Variants in TRPA1 observed in about 807,000 individuals in gnomAD.
TRPA1 encodes ankyrin-like with transmembrane domains 1.
Under a neutral mutation model 131.3 loss-of-function variants are expected in TRPA1, and 129 were observed. The ratio of observed to expected loss-of-function variants is 0.98; its 90% CI spans 0.85 to 1.14. The LOEUF (loss-of-function observed/expected upper bound fraction) is 1.14, where lower values mean the gene tolerates loss of function less well. TRPA1 is among the 50% of genes most tolerant of loss of function. The pLI, the probability that TRPA1 is intolerant of heterozygous loss-of-function variation, is 0.00. For synonymous variants in TRPA1, 441 were observed against 451.7 expected (o/e 0.98, Z 0.30); for missense variants, 1,304 against 1,354.2 (o/e 0.96, Z 0.58).
upstream of TRPA1, among the ~76,000 whole-genome samples, chr8:72,079,675 G>A (rs1806253461): frequency 6.6e-6 from 1 of 151,956 alleles, no homozygotes; most frequent in African/African-American, 2.4e-5. Context: ...TGACTAGATG[G>A]AAGGATGCCT....
At chr8:72,031,474 A>G (rs1350766049) in intron 23 of TRPA1, among the ~76,000 whole-genome samples, 1 of 152,024 alleles carries the variant, frequency 6.6e-6, no homozygotes, top group Non-Finnish European at 1.5e-5. Context: ...GCTTCTGGGT[A>G]GGCTGAGGTG....
chr8:72,032,448 A>G (rs1465036891), intron 23 of TRPA1, among the ~76,000 whole-genome samples: 1 of 152,198 alleles, frequency 6.6e-6, no homozygotes, highest in Non-Finnish European at 1.5e-5. Flanking sequence ...AGTGAAATAG[A>G]GACTATCTGC....
chr8:72,040,032 A>G (rs1021087191), intron 17 of TRPA1, among the ~76,000 whole-genome samples: 1 of 152,148 alleles, frequency 6.6e-6, no homozygotes, highest in Non-Finnish European at 1.5e-5. Context: ...ATTTCTGACT[A>G]CTTAACCTAG....
At position 72,046,540 on chromosome 8, in the gene TRPA1, A is replaced by G; in HGVS notation, c.2034T>C (p.Val678=). 6.3e-7 allele frequency: 1 copy of G among 1,597,188 alleles called. No homozygotes were observed. The stretch of plus-strand genomic sequence containing the variant: ...TGAGGGCTGTAAGCGGTTCATATAT[A>G]ACATCCTGTGTAGGTGTTTTTTTGG... The part of the protein sequence containing the change: ...EFTKKTPTQD[V]IYEPLTALNA... The change falls in exon 17 of 27, where the codon GTT becomes GTC. Residue 678 remains valine, a synonymous_variant. Transcript: ENST00000262209.
the TRPA1 span, among the ~76,000 whole-genome samples, chr8:72,083,966 C>G: frequency 2.0e-5 from 3 of 151,782 alleles, no homozygotes; most frequent in African/African-American, 7.3e-5. Flanking sequence ...TTCAGTGAGT[C>G]GAAAGCTGGG....
chr8:72,069,737 T>TAA (rs35083792), intron 2 of TRPA1, among the ~76,000 whole-genome samples: 1 of 142,750 alleles, frequency 7.0e-6, no homozygotes, highest in Non-Finnish European at 1.5e-5. Context: ...TCAAACTTGG[T>TAA]AAAAAAAAAA....
intron 15 of TRPA1, among the ~76,000 whole-genome samples, chr8:72,047,786 C>T (rs1486515438): frequency 1.3e-5 from 2 of 152,044 alleles, no homozygotes; most frequent in Non-Finnish European, 2.9e-5. Flanking sequence ...CTTATGATGC[C>T]TCATTATATA....
intron 4 of TRPA1, 120 bp from the exon 5 acceptor site, chr8:72,063,691 A>C: frequency 1.4e-6 from 1 of 694,900 alleles, no homozygotes; most frequent in Non-Finnish European, 2.6e-6. Context: ...AAAAGTACAT[A>C]GAGAGCTTCA....
At chr8:72,054,830 T>A (rs536906793) in intron 12 of TRPA1, 42 of 152,460 alleles carry the variant, frequency 2.8e-4, no homozygotes, top group Non-Finnish European at 5.6e-4. Flanking sequence ...TGTAAAACAT[T>A]TCCAGGTTTT....
At chr8:72,081,962 C>T in the TRPA1 span, among the ~76,000 whole-genome samples, 2 of 151,832 alleles carry the variant, frequency 1.3e-5, no homozygotes, top group Admixed American at 6.6e-5. Flanking sequence ...AATATTTACT[C>T]ATTATATCAT....
chr8:72,083,710 TC>T, the TRPA1 span, among the ~76,000 whole-genome samples: 5 of 152,046 alleles, frequency 3.3e-5, no homozygotes, highest in African/African-American at 1.2e-4. Context: ...ACCACTGCAC[TC>T]CAGCAGGGGT....
intron 8 of TRPA1, among the ~76,000 whole-genome samples, 166 bp downstream of exon 8, chr8:72,059,224 T>C (rs12541196): frequency 0.38 from 57,183 of 152,176 alleles, 11,260 homozygotes; most frequent in East Asian, 0.55. Context: ...CGTATTCATA[T>C]GCAATATACT....
rs1805649627 is a variant in TRPA1 at position 72,055,749 on chromosome 8, C to G, written c.1301G>C (p.Gly434Ala). ...TTTGGAATGAATGGACACATTAAAG[C>G]CAAGTAGGTTATTTACAGAACCAGG... ...GGPGSVNNLL[G>A]FNVSIHSKSK... The change falls in exon 11 of 27, where the codon GGC becomes GCC. Residue 434 changes from glycine (G) to alanine (A), a missense_variant. Physicochemically the swap from Gly to Ala is moderately conservative, Grantham distance 60. Coordinates refer to ENST00000262209, the MANE Select transcript of TRPA1 (RefSeq NM_007332.3). The G allele has an allele frequency of 6.2e-7, 1 of 1,613,062 alleles. No individual in the cohort carries two copies. Among genetic ancestry groups the G allele is most frequent in the Non-Finnish European group, 8.5e-7 (1 of 1,179,372 alleles).
At chr8:72,041,733 A>T (rs1042145994) in intron 17 of TRPA1, among the ~76,000 whole-genome samples, 1 of 151,898 alleles carries the variant, frequency 6.6e-6, no homozygotes, top group African/African-American at 2.4e-5. Flanking sequence ...GCAAGTTTAT[A>T]ATGGTAAATA....
chr8:72,024,571 T>G (rs34130637), intron 25 of TRPA1, among the ~76,000 whole-genome samples: 73,469 of 151,852 alleles, frequency 0.48, 18,205 homozygotes, highest in East Asian at 0.77. Flanking sequence ...GCTAATGAAT[T>G]GTGCTGACAT....
chr8:72,084,279 GTTTCCT>G, the TRPA1 span, among the ~76,000 whole-genome samples: 1 of 151,760 alleles, frequency 6.6e-6, no homozygotes, highest in Admixed American at 6.6e-5. Context: ...TCAATTTTTA[GTTTCCT>G]TGAAAATAAT....
At position 72,071,811 on chromosome 8, in the gene TRPA1, T is replaced by C. The variant is rs896738108; in HGVS notation, c.168A>G (p.Leu56=). ...GLQNFNKQKK[L]KRCDDMDTFF... ...AGGTGTCCATATCGTCACATCTTTT[T>C]AATTTCTTTTGCTTATTAAAGTTTT... The change falls in exon 2 of 27, where the codon TTA becomes TTG. Residue 56 remains leucine, a synonymous_variant. Coordinates refer to ENST00000262209, the MANE Select transcript of TRPA1 (RefSeq NM_007332.3). 7.4e-6 allele frequency: 12 copies of C among 1,613,060 alleles called. No homozygotes were observed. The highest frequency in any genetic ancestry group is 5.0e-5 in the Admixed American group (3 of 59,986).
chr8:72,052,369 C>T (rs1034950382), intron 14 of TRPA1, among the ~76,000 whole-genome samples: 4 of 152,158 alleles, frequency 2.6e-5, no homozygotes, highest in African/African-American at 9.7e-5. Context: ...TTGCAGTGAA[C>T]AGAGATCACA....
chr8:72,077,331 A>G (rs1307803565), upstream of TRPA1, among the ~76,000 whole-genome samples: 1 of 151,754 alleles, frequency 6.6e-6, no homozygotes, highest in African/African-American at 2.4e-5. Context: ...GAACTCCAGC[A>G]ATGGATGGTT....
Sources: gnomAD v4.1 joint callset for allele counts (sites outside exome capture counted in the v4.1 genomes callset) on GRCh38, gnomAD v4.1.1 for gene constraint, MANE v1.5 for transcripts, NCBI Gene and HGNC (gene_info 2026-07-23, HGNC 2026-07-21) for gene names.